Variants in CD6 observed in about 807,000 individuals in gnomAD.
The protein encoded by CD6 is T-cell differentiation antigen CD6.
Under a neutral mutation model 75.3 loss-of-function variants are expected in CD6, and 53 were observed. The observed-to-expected ratio is 0.70, with a 90% confidence interval of 0.56 to 0.88. The LOEUF is 0.88. Among genes scored for constraint, CD6 ranks in the 40% least tolerant of loss-of-function variants. The pLI is 0.00. For synonymous variants in CD6, 359 were observed against 381.5 expected, an observed-to-expected ratio of 0.94 and a Z score of 0.69; for missense variants, 770 against 897.1, an observed-to-expected ratio of 0.86 and a Z score of 1.81.
chr11:60,981,168 G>A (rs1270489701), intron 1 of CD6, among the ~76,000 whole-genome samples: 1 of 152,212 alleles, frequency 6.6e-6, no homozygotes, highest in Non-Finnish European at 1.5e-5. Context: ...GCAGCACTCT[G>A]CAAATACGTA....
At position 61,006,653 on chromosome 11, in the gene CD6, A is replaced by T; in HGVS notation, c.118+11A>T. 6.2e-7 allele frequency: 1 copy of T among 1,601,538 alleles called. No individual in the cohort carries two copies. The highest frequency in any genetic ancestry group is 8.5e-7 in the Non-Finnish European group (1 of 1,173,366). ...AGCTCTGGGAGCCAGGTGAGCAAAC[A>T]TTCCCTCTGGGGGTCCATGATCAGC... On this transcript the variant is annotated intron_variant, in intron 2 of 12. Coordinates refer to ENST00000313421, the MANE Select transcript of CD6 (RefSeq NM_006725.5).
At chr11:60,988,399 G>A (rs889784363) in intron 1 of CD6, among the ~76,000 whole-genome samples, 9 of 152,298 alleles carry the variant, frequency 5.9e-5, no homozygotes, top group South Asian at 2.1e-4. Flanking sequence ...TGTTAAGGAC[G>A]CAAGGTGGCC....
intron 1 of CD6, among the ~76,000 whole-genome samples, chr11:60,975,423 C>A (rs1284079737): frequency 6.6e-6 from 1 of 152,124 alleles, no homozygotes; most frequent in African/African-American, 2.4e-5. Context: ...ATTTATATGT[C>A]GAACTTATAA....
intron 1 of CD6, among the ~76,000 whole-genome samples, chr11:60,991,149 C>CTTTTTTTTTTTTTTTTTTTT (rs58123378): frequency 3.5e-5 from 4 of 114,714 alleles, no homozygotes; most frequent in Non-Finnish European, 5.1e-5. Context: ...CTTTTTCTTT[C>CTTTTTTTTTTTTTTTTTTTT]TTTTTTTTTT....
rs765540646 is a variant in CD6 at position 61,014,008 on chromosome 11, A to G, written c.1381A>G (p.Lys461Glu). 6.2e-7 allele frequency: 1 copy of G among 1,611,588 alleles called. No homozygotes were observed. Reference protein sequence around the residue: ...SYQPVPITIPKEVFMLPIQVQ... With the variant: ...SYQPVPITIPEEVFMLPIQVQ... ...TCAACCGGTCCCCATCACCATCCCCAAAGAAGGTAGGATGTCCCCCATCCT... is the reference window on the plus strand; with the variant it reads ...TCAACCGGTCCCCATCACCATCCCCGAAGAAGGTAGGATGTCCCCCATCCT... Residue 461 changes from lysine (K) to glutamate (E), a missense_variant, in exon 8 of 13, where the codon AAA becomes GAA. Lys to Glu is a moderately conservative substitution (Grantham distance 56). Transcript: ENST00000313421.
chr11:61,011,296 G>A (rs1238574334), intron 6 of CD6, among the ~76,000 whole-genome samples, 161 bp downstream of exon 6: 1 of 151,896 alleles, frequency 6.6e-6, no homozygotes, highest in Non-Finnish European at 1.5e-5. Context: ...CTCTCTGGGT[G>A]GCATTTCTGC....
Position 61,015,790 on chromosome 11 carries a change from T to C in CD6, c.1465T>C (p.Tyr489His). The change falls in exon 9 of 13, where the codon TAT (tyrosine) becomes CAT (histidine). Residue 489 changes from tyrosine to histidine, a missense_variant. Transcript: ENST00000313421. ...DSGSDSDYEH[Y>H]DFSAQPPVAL... ...TGGCTCGGACTCAGACTATGAGCAC[T>C]ATGACTTCAGCGCCCAGCCTCCTGT... is the stretch of plus-strand genomic sequence containing the variant. 2 of 1,614,190 alleles carry C rather than the reference T, an allele frequency of 1.2e-6. No individual in the cohort carries two copies. The highest frequency in any genetic ancestry group is 4.5e-5 in the East Asian group (2 of 44,884).
chr11:61,013,494 C>G lies in CD6; in HGVS notation c.1222C>G (p.Leu408Val), dbSNP rs1859248818. The change falls in exon 7 of 13, where the codon CTG becomes GTG. Residue 408 changes from leucine (L) to valine (V), a missense_variant. Physicochemically the swap from Leu to Val is conservative, Grantham distance 32. Coordinates refer to ENST00000313421, the MANE Select transcript of CD6 (RefSeq NM_006725.5). ...ELMLLIPSIV[L>V]GILLLGSLIF... Reference sequence around the variant, plus strand: ...AATGCTCCTCATCCCCTCCATCGTTCTGGGAATTCTCCTCCTTGGCTCCCT... The same window carrying G: ...AATGCTCCTCATCCCCTCCATCGTTGTGGGAATTCTCCTCCTTGGCTCCCT... 1 of 1,613,926 alleles carries G rather than the reference C, an allele frequency of 6.2e-7. No homozygotes were observed. Among genetic ancestry groups the G allele is most frequent in the East Asian group, 2.2e-5 (1 of 44,886 alleles).
rs557000218 is a variant in CD6, at chr11:61,011,029, C to T, written c.1085-41C>T. 10 of 1,579,448 alleles carry T rather than the reference C, an allele frequency of 6.3e-6. No homozygotes were observed. The South Asian group carries it at 1.0e-4, about 16-fold the overall frequency. Reference sequence around the variant, plus strand: ...CAAGGCCTGGCACACAGTAGGTGCTCAGTAACATGCATTGAGTGACTGGGC... The same window carrying T: ...CAAGGCCTGGCACACAGTAGGTGCTTAGTAACATGCATTGAGTGACTGGGC... On this transcript the variant is annotated intron_variant, in intron 5 of 12. Transcript: ENST00000313421.
In CD6 at chr11:61,015,772, G is replaced by T. The variant is rs1365288876; in HGVS notation, c.1447G>T (p.Asp483Tyr). ...CCCTGAGGACTCAGACTCTGGCTCGGACTCAGACTATGAGCACTATGACTT... is the reference window on the plus strand; with the variant it reads ...CCCTGAGGACTCAGACTCTGGCTCGTACTCAGACTATGAGCACTATGACTT... ...PPPEDSDSGS[D>Y]SDYEHYDFSA... The change falls in exon 9 of 13, where the codon GAC becomes TAC. Residue 483 changes from aspartate (D) to tyrosine (Y), a missense_variant. Coordinates refer to ENST00000313421, the MANE Select transcript of CD6 (RefSeq NM_006725.5). The T allele has an allele frequency of 6.2e-7, 1 of 1,614,210 alleles. No individual in the cohort carries two copies. Among genetic ancestry groups the T allele is most frequent in the Non-Finnish European group, 8.5e-7 (1 of 1,180,044 alleles).
chr11:61,005,350 G>A (rs1858798002), intron 1 of CD6, among the ~76,000 whole-genome samples: 1 of 152,132 alleles, frequency 6.6e-6, no homozygotes, highest in African/African-American at 2.4e-5. Context: ...CAGCCTACCC[G>A]AGGGACCTCA....
chr11:60,991,428 C>T (rs1382780819), intron 1 of CD6, among the ~76,000 whole-genome samples: 1 of 152,162 alleles, frequency 6.6e-6, no homozygotes, highest in Non-Finnish European at 1.5e-5. Context: ...GCTGTGATTA[C>T]AGGCGTGAGC....
At chr11:61,009,976 GC>G (rs1859069763) in intron 5 of CD6, 102 bp downstream of exon 5, 1 of 1,164,996 alleles carries the variant, frequency 8.6e-7, no homozygotes, top group East Asian at 2.5e-5. Flanking sequence ...CACCAGATCG[GC>G]AATGGCACAT....
chr11:60,981,694 G>A (rs1324338312), intron 1 of CD6, among the ~76,000 whole-genome samples: 1 of 152,154 alleles, frequency 6.6e-6, no homozygotes, highest in Non-Finnish European at 1.5e-5. Context: ...GCGCTCCCAG[G>A]GACAACAGAC....
chr11:61,017,419 C>A, intron 9 of CD6, 60 bp from the exon 10 acceptor site: 1 of 1,354,868 alleles, frequency 7.4e-7, no homozygotes, highest in Non-Finnish European at 1.0e-6. Context: ...GCCTCTTCTC[C>A]AGGCTCCTAA....
intron 1 of CD6, among the ~76,000 whole-genome samples, chr11:60,983,294 G>A (rs1223516464): frequency 1.3e-5 from 2 of 152,002 alleles, no homozygotes; most frequent in East Asian, 3.9e-4. Context: ...GTTTCACCAT[G>A]TTGGTCAGGC....
chr11:60,986,119 C>T (rs148905583), intron 1 of CD6, among the ~76,000 whole-genome samples: 78 of 152,288 alleles, frequency 5.1e-4, no homozygotes, highest in African/African-American at 1.8e-3. Flanking sequence ...GGTATCACTC[C>T]CACCCAATGC....
intron 11 of CD6, 134 bp from the exon 12 acceptor site, chr11:61,018,155 C>T (rs1271162263): frequency 7.8e-7 from 1 of 1,279,282 alleles, no homozygotes; most frequent in Admixed American, 2.3e-5. Flanking sequence ...ACACATCTCC[C>T]ATCTCTGGGC....
In CD6 at chr11:61,007,869, C is replaced by G; in HGVS notation, c.428C>G (p.Ala143Gly). The G allele has an allele frequency of 7.2e-7, 1 of 1,386,040 alleles. No homozygotes were observed. Among genetic ancestry groups the G allele is most frequent in the Non-Finnish European group, 9.3e-7 (1 of 1,076,428 alleles). 85.9% of individuals were successfully genotyped at this position (1,386,040 alleles called of 1,614,324 possible). ...EWRLCEVVEH[A>G]CRSDGRRARV... ...CGGCTCTGCGAGGTGGTGGAGCACG[C>G]GTGCCGCAGCGACGGGAGGCGGGCC... Residue 143 changes from alanine to glycine, a missense_variant, in exon 3 of 13, where the codon GCG becomes GGG. Ala to Gly is a moderately conservative substitution (Grantham distance 60). Coordinates refer to ENST00000313421, the MANE Select transcript of CD6 (RefSeq NM_006725.5). The surrounding 1 kb of genome is among the most constrained non-coding windows in gnomAD (Gnocchi z 4.2).
Sources: gnomAD v4.1 joint callset for allele counts (sites outside exome capture counted in the v4.1 genomes callset) on GRCh38, gnomAD v4.1.1 for gene constraint, Gnocchi (gnomAD v3.1) non-coding constraint, MANE v1.5 for transcripts, NCBI Gene and HGNC (gene_info 2026-07-23, HGNC 2026-07-21) for gene names.